Variants in SMG6 observed in about 807,000 individuals in gnomAD.
The protein encoded by SMG6 is SMG6 nonsense mediated mRNA decay factor, also known as telomerase-binding protein EST1A.
In SMG6, 66 loss-of-function variants were observed where a neutral mutation model predicts 142.2. That is an observed-to-expected ratio of 0.46 (90% CI 0.38 to 0.57). The LOEUF is 0.57. Ranked by LOEUF, SMG6 falls within the 20% of genes least tolerant of loss-of-function variation. The pLI, the probability that SMG6 is intolerant of heterozygous loss-of-function variation, is 0.00. For missense variants in SMG6, 1,793 were observed against 1,832.0 expected (o/e 0.98, Z 0.39); for synonymous variants, 779 against 702.4 (o/e 1.11, Z -1.72).
chr17:2,267,135 AG>A (rs2074438519), intron 8 of SMG6, among the ~76,000 whole-genome samples: 1 of 152,218 alleles, frequency 6.6e-6, no homozygotes, highest in East Asian at 1.9e-4. Flanking sequence ...ACAAAAGCAT[AG>A]GACTAATTAA....
At chr17:2,182,567 C>T (rs1391534718) in intron 12 of SMG6, among the ~76,000 whole-genome samples, 1 of 152,116 alleles carries the variant, frequency 6.6e-6, no homozygotes, top group African/African-American at 2.4e-5. Flanking sequence ...ACACAGTCCA[C>T]ACATAAACTG....
chr17:2,101,710 T>C (rs748014351), intron 13 of SMG6: 1 of 152,134 alleles, frequency 6.6e-6, no homozygotes, highest in African/African-American at 2.4e-5. Context: ...CCAGGCACTG[T>C]GCCAAATGCT....
At chr17:2,208,712 A>G (rs1211334667) in intron 10 of SMG6, among the ~76,000 whole-genome samples, 1 of 152,264 alleles carries the variant, frequency 6.6e-6, no homozygotes, top group African/African-American at 2.4e-5. Context: ...TTATGCTATC[A>G]ACTATAAATC....
chr17:2,260,501 A>G (rs73293541), intron 8 of SMG6, among the ~76,000 whole-genome samples: 2 of 152,336 alleles, frequency 1.3e-5, no homozygotes, highest in African/African-American at 4.8e-5. Context: ...GTCAAAGCAA[A>G]CACCTCAAAT....
At chr17:2,272,929 C>CAAA in intron 8 of SMG6, among the ~76,000 whole-genome samples, 1 of 134,984 alleles carries the variant, frequency 7.4e-6, no homozygotes, top group African/African-American at 2.7e-5. Flanking sequence ...AACTCTGTCT[C>CAAA]AAAAAAAAAA....
intron 4 of SMG6, among the ~76,000 whole-genome samples, chr17:2,296,009 C>A (rs1160279516): frequency 6.6e-6 from 1 of 152,154 alleles, no homozygotes; most frequent in Non-Finnish European, 1.5e-5. Context: ...TTCAGACCTA[C>A]AACCTGACTC....
At chr17:2,137,760 C>A (rs2070351597) in intron 13 of SMG6, among the ~76,000 whole-genome samples, 1 of 152,074 alleles carries the variant, frequency 6.6e-6, no homozygotes, top group Non-Finnish European at 1.5e-5. Flanking sequence ...TTCAGTCAGC[C>A]CACCTTGATT....
At chr17:2,191,274 G>A (rs139316722) in intron 10 of SMG6, among the ~76,000 whole-genome samples, 2 of 152,266 alleles carry the variant, frequency 1.3e-5, no homozygotes, top group East Asian at 1.9e-4. Context: ...ACCGTAAGAC[G>A]CTACTCCCTG....
chr17:2,113,592 G>A (rs1008308013), intron 13 of SMG6, among the ~76,000 whole-genome samples: 2 of 152,182 alleles, frequency 1.3e-5, no homozygotes, highest in Non-Finnish European at 2.9e-5. Context: ...GCTGCCAAGT[G>A]AGCTATATGG....
At chr17:2,283,537 T>A (rs1259408925) in intron 7 of SMG6, 88 bp downstream of exon 7, 2 of 1,051,524 alleles carry the variant, frequency 1.9e-6, no homozygotes, top group Non-Finnish European at 3.0e-6. Context: ...CTGGCTACGA[T>A]CCTGCCGGTG....
intron 13 of SMG6, among the ~76,000 whole-genome samples, chr17:2,150,606 C>A (rs748864701): frequency 2.1e-4 from 32 of 152,132 alleles, no homozygotes; most frequent in Non-Finnish European, 4.0e-4. Context: ...GTCTCCTGGC[C>A]CTCGATGCTA....
At chr17:2,183,290 G>C (rs1364558960) in intron 12 of SMG6, among the ~76,000 whole-genome samples, 1 of 149,424 alleles carries the variant, frequency 6.7e-6, no homozygotes, top group Non-Finnish European at 1.5e-5. Context: ...AGAAGGGAGG[G>C]AGGGAGGGAA....
At chr17:2,116,842 A>G (rs1417265333) in intron 13 of SMG6, among the ~76,000 whole-genome samples, 2 of 130,228 alleles carry the variant, frequency 1.5e-5, no homozygotes, top group South Asian at 2.5e-4. Flanking sequence ...AGAATACTGG[A>G]AAAAAAAAAC....
intron 18 of SMG6, 110 bp from the exon 19 acceptor site, chr17:2,061,732 G>A (rs560747170): frequency 3.4e-5 from 43 of 1,253,496 alleles, no homozygotes; most frequent in African/African-American, 2.2e-4. Flanking sequence ...CACGCTAGCC[G>A]TGTCTTGGCT....
chr17:2,245,014 G>C, intron 8 of SMG6: 1 of 359,676 alleles, frequency 2.8e-6, no homozygotes, highest in Non-Finnish European at 5.1e-6. Flanking sequence ...TATAAAGAAA[G>C]GTGCCCACAG....
chr17:2,232,686 A>G (rs7212249), intron 10 of SMG6: 1 of 151,948 alleles, frequency 6.6e-6, no homozygotes, highest in African/African-American at 2.4e-5. Context: ...ATAGGGCCCA[A>G]CCGAGAGGAG....
At chr17:2,246,863 T>C (rs890848714) in intron 8 of SMG6, among the ~76,000 whole-genome samples, 1 of 152,290 alleles carries the variant, frequency 6.6e-6, no homozygotes, top group East Asian at 1.9e-4. Flanking sequence ...GGAGAATCGC[T>C]TGAACCCGGG....
chr17:2,274,484 G>T (rs1019624978), intron 8 of SMG6, among the ~76,000 whole-genome samples: 1 of 152,212 alleles, frequency 6.6e-6, no homozygotes, highest in African/African-American at 2.4e-5. Flanking sequence ...GAAGGAAGAA[G>T]AGCAAAAGGA....
chr17:2,073,312 G>C (rs967687120), intron 15 of SMG6, among the ~76,000 whole-genome samples: 5 of 151,928 alleles, frequency 3.3e-5, no homozygotes, highest in African/African-American at 1.2e-4. Flanking sequence ...TCAAACTCCC[G>C]ACCTCAGGTG....
Sources: allele counts gnomAD v4.1 joint callset (sites outside exome capture counted in the v4.1 genomes callset), GRCh38; gene constraint gnomAD v4.1.1; transcripts MANE v1.5; gene names NCBI Gene and HGNC (gene_info 2026-07-23, HGNC 2026-07-21).